Variants in VEZT observed in about 807,000 individuals in gnomAD.
VEZT encodes the protein vezatin.
Under a neutral mutation model 79.9 loss-of-function variants are expected in VEZT, and 39 were observed. The observed-to-expected ratio is 0.49, with a 90% CI of 0.38 to 0.64. The LOEUF is 0.64. VEZT is among the 30% of genes least tolerant of loss of function. The pLI is 0.00. For synonymous variants in VEZT, 325 were observed against 327.6 expected (o/e 0.99, Z 0.09); for missense variants, 837 against 893.1 (o/e 0.94, Z 0.80).
intron 8 of VEZT, chr12:95,286,191 C>T (rs1043177025): frequency 4.3e-5 from 10 of 234,278 alleles, no homozygotes; most frequent in African/African-American, 2.4e-4. Flanking sequence ...GGAGTTTCAC[C>T]ATGTTGGCCA....
At chr12:95,278,209 T>A (rs1220336445) in intron 7 of VEZT, among the ~76,000 whole-genome samples, 1 of 152,254 alleles carries the variant, frequency 6.6e-6, no homozygotes, top group East Asian at 1.9e-4. Context: ...AGCTGATTTT[T>A]AAAATTCTAT....
At chr12:95,265,485 G>A (rs2065361382) in intron 4 of VEZT, among the ~76,000 whole-genome samples, 1 of 149,144 alleles carries the variant, frequency 6.7e-6, no homozygotes, top group Non-Finnish European at 1.5e-5. Flanking sequence ...TTTAGGAAAA[G>A]GGATTTATAA....
chr12:95,225,659 C>T (rs1012434463), intron 1 of VEZT, among the ~76,000 whole-genome samples: 3 of 150,592 alleles, frequency 2.0e-5, no homozygotes, highest in Non-Finnish European at 4.4e-5. Flanking sequence ...GGAGTCTCTC[C>T]ACTGTCTCTA....
At chr12:95,260,828 C>G (rs12313990) in intron 3 of VEZT, among the ~76,000 whole-genome samples, 1 of 152,084 alleles carries the variant, frequency 6.6e-6, no homozygotes, top group Non-Finnish European at 1.5e-5. Context: ...TTTCTCCCCT[C>G]TGAACAATAG....
chr12:95,293,992 G>A (rs1304592873), intron 9 of VEZT: 4 of 334,996 alleles, frequency 1.2e-5, no homozygotes, highest in South Asian at 5.4e-5. Flanking sequence ...CAGCTCAAGC[G>A]ATCCTTCCAC....
rs778935684 is a variant in VEZT at position 95,300,641 on chromosome 12, G to C, written c.2308G>C (p.Glu770Gln). The C allele has an allele frequency of 6.3e-7, 1 of 1,591,520 alleles. No individual in the cohort carries two copies. The highest frequency in any genetic ancestry group is 1.1e-5 in the South Asian group (1 of 88,932). The change falls in exon 12 of 12, where the codon GAA becomes CAA. Residue 770 changes from glutamate to glutamine, a missense_variant. Coordinates refer to ENST00000436874, the MANE Select transcript of VEZT (RefSeq NM_017599.4). ...FGGEEEEQII[E>Q]ENKNEIEEK ...TGGTGAGGAGGAAGAACAAATAATA[G>C]AAGAAAATAAAAATGAGATAGAAGA... is the stretch of plus-strand genomic sequence containing the variant.
At position 95,270,112 on chromosome 12, in the gene VEZT, C is replaced by A; in HGVS notation, c.772C>A (p.Leu258Ile). 1 of 1,611,960 alleles carries A rather than the reference C, an allele frequency of 6.2e-7. No individual in the cohort carries two copies. Among genetic ancestry groups the A allele is most frequent in the Non-Finnish European group, 8.5e-7 (1 of 1,179,116 alleles). Residue 258 changes from leucine (L) to isoleucine (I), a missense_variant, in exon 6 of 12, where the codon CTT becomes ATT. Transcript: ENST00000436874. ...GCATCCAAGTCAGCATCTCATCGGTCTTCGGAAAGCTGTCTACCGAACTCT... is the reference window on the plus strand; with the variant it reads ...GCATCCAAGTCAGCATCTCATCGGTATTCGGAAAGCTGTCTACCGAACTCT... ...GQHPSQHLIGLRKAVYRTLRA... is the reference protein window; with the variant it reads ...GQHPSQHLIGIRKAVYRTLRA...
intron 9 of VEZT, among the ~76,000 whole-genome samples, chr12:95,292,671 C>T (rs1457648110): frequency 6.6e-6 from 1 of 151,712 alleles, no homozygotes; most frequent in Admixed American, 6.6e-5. Context: ...GCCTCAGCCT[C>T]CCAAATAGCT....
At chr12:95,232,948 G>GGTGTGTACCACCA (rs1339302735) in intron 1 of VEZT, among the ~76,000 whole-genome samples, 2 of 152,074 alleles carry the variant, frequency 1.3e-5, no homozygotes, top group Non-Finnish European at 2.9e-5. Context: ...TAAGAGCACA[G>GGTGTGTACCACCA]GTGTGTACCA....
chr12:95,271,564 C>T (rs913162443), intron 6 of VEZT, among the ~76,000 whole-genome samples: 1 of 152,032 alleles, frequency 6.6e-6, no homozygotes, highest in African/African-American at 2.4e-5. Context: ...TAGAAGGAAG[C>T]AAAAACATAT....
intron 11 of VEZT, chr12:95,299,236 G>A (rs967755073): frequency 1.3e-5 from 2 of 154,670 alleles, no homozygotes; most frequent in African/African-American, 4.8e-5. Flanking sequence ...TTACAAAAAC[G>A]TTTTTTAAAT....
At chr12:95,275,178 G>C (rs2067395411) in intron 7 of VEZT, among the ~76,000 whole-genome samples, 1 of 152,190 alleles carries the variant, frequency 6.6e-6, no homozygotes, top group Non-Finnish European at 1.5e-5. Context: ...AGGCCAACGT[G>C]AGTGATTTTA....
intron 3 of VEZT, among the ~76,000 whole-genome samples, chr12:95,260,142 A>G (rs938161705): frequency 5.9e-5 from 4 of 68,318 alleles, no homozygotes; most frequent in African/African-American, 1.8e-4. Context: ...GTCTCCTTCT[A>G]TTTTTCAGGC....
At chr12:95,280,498 ACAC>A (rs1390468226) in intron 7 of VEZT, among the ~76,000 whole-genome samples, 2 of 116,688 alleles carry the variant, frequency 1.7e-5, no homozygotes, top group Admixed American at 1.8e-4. Context: ...ACACACACAC[ACAC>A]TATTCCCCCC....
chr12:95,262,799 C>G, intron 3 of VEZT, 107 bp from the exon 4 acceptor site: 1 of 997,540 alleles, frequency 1.0e-6, no homozygotes, highest in Non-Finnish European at 1.3e-6. Flanking sequence ...CTTGAAGTAT[C>G]TTCTGAAAAT....
chr12:95,232,051 C>T (rs1284198132), intron 1 of VEZT, among the ~76,000 whole-genome samples: 1 of 152,148 alleles, frequency 6.6e-6, no homozygotes, highest in Non-Finnish European at 1.5e-5. Context: ...ACATGGAAAT[C>T]ATAGCAATTA....
intron 3 of VEZT, among the ~76,000 whole-genome samples, chr12:95,261,126 T>G (rs1444193458): frequency 2.0e-5 from 3 of 152,096 alleles, no homozygotes; most frequent in Non-Finnish European, 4.4e-5. Context: ...ATTAAAAATC[T>G]TCTTCTCTAA....
intron 1 of VEZT, among the ~76,000 whole-genome samples, chr12:95,230,487 A>G: frequency 6.7e-6 from 1 of 148,520 alleles, no homozygotes; most frequent in African/African-American, 2.5e-5. Context: ...TTGCAATCAT[A>G]GCTCACTGCA....
At chr12:95,277,456 C>T (rs948583984) in intron 7 of VEZT, among the ~76,000 whole-genome samples, 1 of 150,354 alleles carries the variant, frequency 6.7e-6, no homozygotes, top group Non-Finnish European at 1.5e-5. Flanking sequence ...ATGTCCACAA[C>T]CCTGTTTAAA....
Sources: allele counts gnomAD v4.1 joint callset (sites outside exome capture counted in the v4.1 genomes callset), GRCh38; gene constraint gnomAD v4.1.1; transcripts MANE v1.5; gene names NCBI Gene and HGNC (gene_info 2026-07-23, HGNC 2026-07-21).